The following CD300LG variants were observed in gnomAD, a reference collection of about 807,000 sequenced individuals.
CD300LG encodes the protein CMRF35-like molecule 9.
Under a neutral mutation model 31.5 loss-of-function variants are expected in CD300LG, and 29 were observed. The observed-to-expected ratio is 0.92, with a 90% CI of 0.68 to 1.25. The LOEUF (loss-of-function observed/expected upper bound fraction) is 1.25. Among genes scored for constraint, CD300LG ranks in the 50% most tolerant of loss-of-function variants. The pLI, the probability that CD300LG is intolerant of heterozygous loss-of-function variation, is 0.00. For synonymous variants in CD300LG, 175 were observed against 177.2 expected, an observed-to-expected ratio of 0.99 and a Z score of 0.10; for missense variants, 396 against 417.6, an observed-to-expected ratio of 0.95 and a Z score of 0.45.
chr17:43,859,700 C>A (rs564635158), intron 6 of CD300LG, among the ~76,000 whole-genome samples: 1 of 152,078 alleles, frequency 6.6e-6, no homozygotes, highest in Non-Finnish European at 1.5e-5. Flanking sequence ...TGCACCAAGG[C>A]CCCCTCTGTC....
At chr17:43,861,450 C>T (rs2046651781) in intron 6 of CD300LG, among the ~76,000 whole-genome samples, 1 of 152,198 alleles carries the variant, frequency 6.6e-6, no homozygotes, top group South Asian at 2.1e-4. Flanking sequence ...GAGCTTTTGA[C>T]CTCACATCCT....
chr17:43,858,420 G>A (rs565953990), intron 6 of CD300LG: 10 of 985,332 alleles, frequency 1.0e-5, no homozygotes, highest in African/African-American at 5.2e-5. Flanking sequence ...GGCTGAGAGC[G>A]CCGGAACCAG....
chr17:43,857,221 G>A (rs1280384573), intron 6 of CD300LG, 65 bp downstream of exon 6: 1 of 1,586,416 alleles, frequency 6.3e-7, no homozygotes, highest in African/African-American at 1.3e-5. Flanking sequence ...CAAGATTCCT[G>A]GGCTTTGCCT....
intron 1 of CD300LG, among the ~76,000 whole-genome samples, chr17:43,847,542 C>G (rs1262766253): frequency 2.0e-5 from 3 of 152,190 alleles, no homozygotes; most frequent in African/African-American, 7.2e-5. Flanking sequence ...TTTTTCTACC[C>G]TGTGCCAAGC....
chr17:43,859,655 G>T (rs1273067828), intron 6 of CD300LG, among the ~76,000 whole-genome samples: 4 of 152,184 alleles, frequency 2.6e-5, no homozygotes, highest in Non-Finnish European at 5.9e-5. Flanking sequence ...TGGGTCTGAT[G>T]TCAGGAGTCC....
intron 6 of CD300LG, among the ~76,000 whole-genome samples, chr17:43,860,006 G>A (rs1307484166): frequency 6.6e-6 from 1 of 152,160 alleles, no homozygotes; most frequent in Non-Finnish European, 1.5e-5. Flanking sequence ...AAAGTGTTGG[G>A]ATTACAGGCA....
intron 2 of CD300LG, 159 bp downstream of exon 2, chr17:43,849,052 C>T: frequency 3.0e-6 from 2 of 660,884 alleles, no homozygotes; most frequent in Non-Finnish European, 2.6e-6. Context: ...ACAGAAGGAG[C>T]CGCCTGAGTC....
chr17:43,857,007 G>C, intron 5 of CD300LG, 97 bp from the exon 6 acceptor site: 1 of 1,231,800 alleles, frequency 8.1e-7, no homozygotes, highest in Non-Finnish European at 1.2e-6. Context: ...CCCTGCTCCC[G>C]TGTGCAAGGG....
rs373847576 is a variant in CD300LG at position 43,848,693 on chromosome 17, G to C, written c.179G>C (p.Arg60Pro). 5 of 1,614,002 alleles carry C rather than the reference G, an allele frequency of 3.1e-6. No individual in the cohort carries two copies. In the African/African-American group the frequency reaches 5.3e-5, roughly 17 times the overall value. Residue 60 changes from arginine to proline, a missense_variant, in exon 2 of 7, where the codon CGC (arginine) becomes CCC (proline). Transcript: ENST00000317310. The part of the protein sequence containing the change: ...WCRKGGILFS[R>P]CSGTIYAEEE... ...AGGAAGGGTGGGATCCTCTTCTCTC[G>C]CTGCTCTGGCACCATCTATGCAGAA... is the stretch of plus-strand genomic sequence containing the variant.
Position 43,861,886 on chromosome 17 carries a change from G to T in CD300LG, c.974G>T (p.Gly325Val), listed in dbSNP as rs201076831. The T allele has an allele frequency of 2.5e-6, 4 of 1,611,406 alleles. No individual in the cohort carries two copies. Among genetic ancestry groups the T allele is most frequent in the East Asian group, 2.2e-5 (1 of 44,642 alleles). Reference protein sequence around the residue: ...PPLHTSEEELGFSKFVSA With the variant: ...PPLHTSEEELVFSKFVSA The stretch of plus-strand genomic sequence containing the variant: ...CTCCACACATCTGAGGAGGAGCTGG[G>T]CTTCTCGAAGTTTGTCTCAGCGTAG... The change falls in exon 7 of 7, where the codon GGC (glycine) becomes GTC (valine). Residue 325 changes from glycine (G) to valine (V), a missense_variant. Physicochemically the swap from Gly to Val is moderately radical, Grantham distance 109. Coordinates refer to ENST00000317310, the MANE Select transcript of CD300LG (RefSeq NM_145273.4).
chr17:43,860,763 C>A (rs918143941), intron 6 of CD300LG, among the ~76,000 whole-genome samples: 5 of 152,244 alleles, frequency 3.3e-5, no homozygotes, highest in Admixed American at 3.3e-4. Flanking sequence ...TACAAAGAAC[C>A]TGCAGCCTGC....
intron 6 of CD300LG, among the ~76,000 whole-genome samples, chr17:43,860,901 T>G (rs936787167): frequency 6.6e-6 from 1 of 152,178 alleles, no homozygotes; most frequent in Non-Finnish European, 1.5e-5. Flanking sequence ...CTTACCTAGT[T>G]TTACAGCTGA....
Position 43,857,117 on chromosome 17 carries a change from G to A in CD300LG, c.846G>A (p.Thr282=), listed in dbSNP as rs879142091. ...CATCTCTTTCAGCTCAACAGGCCAC[G>A]GAGACACAGAGGAACGAGAAGTTCT... ...LLWRKEAQQA[T]ETQRNEKFCL... is the part of the protein sequence containing the mutation. The change falls in exon 6 of 7, where the codon ACG becomes ACA. Residue 282 remains threonine (T), a synonymous_variant. Transcript: ENST00000317310. The A allele has an allele frequency of 3.7e-6, 6 of 1,614,122 alleles. No individual in the cohort carries two copies. Among genetic ancestry groups the A allele is most frequent in the African/African-American group, 1.3e-5 (1 of 75,046 alleles).
At chr17:43,860,181 A>T (rs1191320968) in intron 6 of CD300LG, among the ~76,000 whole-genome samples, 1 of 152,172 alleles carries the variant, frequency 6.6e-6, no homozygotes, top group Admixed American at 6.5e-5. Flanking sequence ...CCCTGCCCGG[A>T]TGGCAGCAGG....
chr17:43,858,403 C>A, intron 6 of CD300LG: 1 of 985,438 alleles, frequency 1.0e-6, no homozygotes, highest in Non-Finnish European at 1.2e-6. Context: ...GGGCTGGGGT[C>A]CAAGGAGGCT....
intron 6 of CD300LG, among the ~76,000 whole-genome samples, chr17:43,860,137 A>G (rs1385535813): frequency 6.6e-6 from 1 of 152,202 alleles, no homozygotes. Flanking sequence ...TTAGTAGACC[A>G]TGGACACCGA....
chr17:43,848,436 G>C (rs2046248062), intron 1 of CD300LG, 122 bp from the exon 2 acceptor site: 2 of 804,258 alleles, frequency 2.5e-6, no homozygotes, highest in East Asian at 5.0e-5. Flanking sequence ...CTCTTCCAAG[G>C]CTGTCCCCAG....
rs148262765 is a variant in CD300LG at position 43,853,005 on chromosome 17, C to G, written c.473C>G (p.Pro158Arg). Reference sequence around the variant, plus strand: ...GCAAAAGCTCAGCAAACCCAGCCCCCAGGATTGAGTGAGTGAATGGCAATT... The same window carrying G: ...GCAAAAGCTCAGCAAACCCAGCCCCGAGGATTGAGTGAGTGAATGGCAATT... ...PKAKAQQTQPPGLTSPGLYPA... is the reference protein window; with the variant it reads ...PKAKAQQTQPRGLTSPGLYPA... Residue 158 changes from proline to arginine, a missense_variant, in exon 3 of 7, where the codon CCA becomes CGA. Coordinates refer to ENST00000317310, the MANE Select transcript of CD300LG (RefSeq NM_145273.4). The G allele has an allele frequency of 8.7e-5, 140 of 1,610,572 alleles. No homozygotes were observed. In the African/African-American group the frequency reaches 1.7e-3, roughly 20 times the overall value.
chr17:43,849,963 C>T (rs935987562), intron 2 of CD300LG: 1 of 152,222 alleles, frequency 6.6e-6, no homozygotes, highest in African/African-American at 2.4e-5. Flanking sequence ...ATTCTCTTAT[C>T]TCTTCCAATT....
Sources: gnomAD v4.1 joint callset for allele counts (sites outside exome capture counted in the v4.1 genomes callset) on GRCh38, gnomAD v4.1.1 for gene constraint, MANE v1.5 for transcripts, NCBI Gene and HGNC (gene_info 2026-07-23, HGNC 2026-07-21) for gene names.